HAO2: variants seen among roughly 807,000 people sequenced by gnomAD.
HAO2 encodes hydroxyacid oxidase 2, also known as 2-Hydroxyacid oxidase 2.
A neutral mutation model predicts 37.4 loss-of-function variants in HAO2; 42 were observed. The ratio of observed to expected loss-of-function variants is 1.12; its 90% CI spans 0.88 to 1.45. The LOEUF is 1.45. Ranked by LOEUF, HAO2 falls within the 40% of genes most tolerant of loss-of-function variation. The pLI, the probability that HAO2 is intolerant of heterozygous loss-of-function variation, is 0.00. For missense variants in HAO2, 476 were observed against 430.2 expected (o/e 1.11, Z -0.94); for synonymous variants, 180 against 162.8 (o/e 1.11, Z -0.81).
intron 7 of HAO2, 37 bp from the exon 8 acceptor site, chr1:119,393,748 T>C: frequency 6.2e-7 from 1 of 1,602,684 alleles, no homozygotes; most frequent in Non-Finnish European, 8.5e-7. Context: ...TGCTTGTGTT[T>C]GACAAAAATG....
chr1:119,384,823 T>G lies in HAO2; in HGVS notation c.331T>G (p.Cys111Gly). ...ICYITSTFAS[C>G]SLEDIVIAAP... ...CTACATCACCAGCACATTTGCCAGC[T>G]GTAGCCTTGAAGACATTGTCATTGC... The change falls in exon 4 of 8, where the codon TGT becomes GGT. Residue 111 changes from cysteine to glycine, a missense_variant. Coordinates refer to ENST00000325945, the MANE Select transcript of HAO2 (RefSeq NM_016527.4). 1 of 1,613,980 alleles carries G rather than the reference T, an allele frequency of 6.2e-7. No individual in the cohort carries two copies. The highest frequency in any genetic ancestry group is 8.5e-7 in the Non-Finnish European group (1 of 1,179,888).
Position 119,394,015 on chromosome 1 carries a change from G to T in HAO2, c.*175G>T. The T allele has an allele frequency of 7.0e-7, 1 of 1,428,168 alleles. No homozygotes were observed. The highest frequency in any genetic ancestry group is 9.2e-7 in the Non-Finnish European group (1 of 1,085,342). 88.5% of individuals were successfully genotyped at this position (1,428,168 alleles called of 1,614,324 possible). A position where few individuals can be genotyped will look rare whatever the true frequency, so the allele number is the denominator to read the frequency against. ...TGCTTCAGGCCCTCCAAACCCCTGT[G>T]TTCCCCAAATGTTCCATGCCCTTCT... On this transcript the variant is annotated 3_prime_UTR_variant, in exon 8 of 8. Transcript: ENST00000325945.
At chr1:119,380,997 C>A in intron 1 of HAO2, 81 bp from the exon 2 acceptor site, 3 of 1,194,062 alleles carry the variant, frequency 2.5e-6, no homozygotes, top group Non-Finnish European at 3.7e-6. Context: ...CAATTTCATA[C>A]TGCAGCTTCC....
intron 7 of HAO2, 47 bp from the exon 8 acceptor site, chr1:119,393,738 T>G: frequency 6.5e-7 from 1 of 1,549,648 alleles, no homozygotes; most frequent in Non-Finnish European, 8.9e-7. Context: ...TGAGGTGAGT[T>G]GCTTGTGTTT....
Position 119,385,042 on chromosome 1 carries a change from T to C in HAO2, c.550T>C (p.Ser184Pro). The stretch of plus-strand genomic sequence containing the variant: ...GAACTTAACACTAACAGATCTTCAA[T>C]CACCTAAAAAGGTAAGAAAGATACC... ...RRNLTLTDLQSPKKGNAIPYF... is the reference protein window; with the variant it reads ...RRNLTLTDLQPPKKGNAIPYF... Residue 184 changes from serine to proline, a missense_variant, in exon 4 of 8, where the codon TCA becomes CCA. Ser to Pro is a moderately conservative substitution (Grantham distance 74). Coordinates refer to ENST00000325945, the MANE Select transcript of HAO2 (RefSeq NM_016527.4). 1 of 1,611,626 alleles carries C rather than the reference T, an allele frequency of 6.2e-7. No homozygotes were observed. Among genetic ancestry groups the C allele is most frequent in the South Asian group, 1.1e-5 (1 of 91,016 alleles).
At chr1:119,392,835 A>G in intron 7 of HAO2, 148 bp downstream of exon 7, 1 of 678,362 alleles carries the variant, frequency 1.5e-6, no homozygotes, top group Non-Finnish European at 2.7e-6. Flanking sequence ...ACAAAGATTA[A>G]GCACTATTCT....
At chr1:119,373,816 G>A (rs1198680713) in intron 1 of HAO2, among the ~76,000 whole-genome samples, 1 of 152,128 alleles carries the variant, frequency 6.6e-6, no homozygotes, top group African/African-American at 2.4e-5. Context: ...ACAAAAAAAG[G>A]CTAATGAGAG....
At chr1:119,371,880 T>G (rs145986465) in intron 1 of HAO2, among the ~76,000 whole-genome samples, 109 of 152,310 alleles carry the variant, frequency 7.2e-4, no homozygotes, top group African/African-American at 2.5e-3. Flanking sequence ...ATTATTCCAC[T>G]GTTTGAAAGA....
At chr1:119,390,849 G>C (rs897028630) in intron 5 of HAO2, among the ~76,000 whole-genome samples, 1 of 152,062 alleles carries the variant, frequency 6.6e-6, no homozygotes, top group Admixed American at 6.6e-5. Flanking sequence ...TATAGCACTG[G>C]CAACAACCTG....
intron 1 of HAO2, among the ~76,000 whole-genome samples, chr1:119,373,457 T>C (rs1289729916): frequency 6.6e-6 from 1 of 152,208 alleles, no homozygotes; most frequent in Non-Finnish European, 1.5e-5. Flanking sequence ...GCCAAACTTG[T>C]GCACATCTCT....
intron 5 of HAO2, among the ~76,000 whole-genome samples, chr1:119,391,421 G>C (rs979059234): frequency 6.6e-6 from 1 of 152,226 alleles, no homozygotes; most frequent in African/African-American, 2.4e-5. Context: ...CTATTTGCCT[G>C]TTCCCTGGAA....
At chr1:119,374,943 GC>G (rs1311239931) in intron 1 of HAO2, among the ~76,000 whole-genome samples, 2 of 152,134 alleles carry the variant, frequency 1.3e-5, no homozygotes, top group African/African-American at 2.4e-5. Flanking sequence ...GAATGTCCTT[GC>G]CCTCAGATTT....
At chr1:119,385,640 TC>T in intron 4 of HAO2, 1 of 985,224 alleles carries the variant, frequency 1.0e-6, no homozygotes. Flanking sequence ...AAGGGGACCT[TC>T]CCCATTAAAA....
Position 119,381,160 on chromosome 1 carries a change from T to C in HAO2, c.75T>C (p.Ile25=), listed in dbSNP as rs1649904638. 14 of 1,610,728 alleles carry C rather than the reference T, an allele frequency of 8.7e-6. No individual in the cohort carries two copies. Among genetic ancestry groups the C allele is most frequent in the Non-Finnish European group, 1.2e-5 (14 of 1,176,860 alleles). The stretch of plus-strand genomic sequence containing the variant: ...TGTCTAAGTCAACTCGGGATTTTAT[T>C]GAAGGTGGAGCAGATGACAGCATCA... ...EQLSKSTRDF[I]EGGADDSITR... The change falls in exon 2 of 8, where the codon ATT becomes ATC. Residue 25 remains isoleucine, a synonymous_variant. Coordinates refer to ENST00000325945, the MANE Select transcript of HAO2 (RefSeq NM_016527.4).
At chr1:119,393,669 T>A (rs1651090794) in intron 7 of HAO2, 116 bp from the exon 8 acceptor site, 1 of 835,600 alleles carries the variant, frequency 1.2e-6, no homozygotes. Context: ...AACCATTTTA[T>A]AAGAGTGAGC....
chr1:119,389,145 T>TATATATATATAC, intron 5 of HAO2, among the ~76,000 whole-genome samples: 2 of 60,014 alleles, frequency 3.3e-5, no homozygotes, highest in African/African-American at 1.1e-4. Context: ...ATCATATATA[T>TATATATATATAC]ATATATATAT....
At chr1:119,386,964 C>A in intron 5 of HAO2, 133 bp downstream of exon 5, 1 of 647,130 alleles carries the variant, frequency 1.5e-6, no homozygotes, top group South Asian at 1.8e-5. Context: ...TGGTATGTAT[C>A]TGTGAATTTT....
intron 3 of HAO2, among the ~76,000 whole-genome samples, chr1:119,383,355 G>T (rs998634447): frequency 5.9e-5 from 9 of 152,174 alleles, no homozygotes; most frequent in Non-Finnish European, 2.9e-5. Context: ...GGCCCTTCTG[G>T]CTCACACCAT....
At chr1:119,376,546 G>A (rs1472999844) in intron 1 of HAO2, among the ~76,000 whole-genome samples, 1 of 152,248 alleles carries the variant, frequency 6.6e-6, no homozygotes, top group Non-Finnish European at 1.5e-5. Flanking sequence ...CAGTGCCCCA[G>A]TGGGGACTCT....
Sources: gnomAD v4.1 joint callset for allele counts (sites outside exome capture counted in the v4.1 genomes callset) on GRCh38, gnomAD v4.1.1 for gene constraint, MANE v1.5 for transcripts, NCBI Gene and HGNC (gene_info 2026-07-23, HGNC 2026-07-21) for gene names.